KCNMA1: variants seen among roughly 807,000 people sequenced by gnomAD.
KCNMA1 encodes Calcium-activated potassium channel subunit alpha-1.
A neutral mutation model predicts 140.0 loss-of-function variants in KCNMA1; 29 were observed. That is an observed-to-expected ratio of 0.21 (90% CI 0.15 to 0.28). The LOEUF (loss-of-function observed/expected upper bound fraction) is 0.28. KCNMA1 is among the 10% of genes least tolerant of loss of function. The pLI is 1.00. For missense variants in KCNMA1, 880 were observed against 1,602.2 expected (o/e 0.55, Z 7.70); for synonymous variants, 612 against 611.9 (o/e 1.00, Z 0.00).
intron 24 of KCNMA1, chr10:76,911,273 G>C (rs1244627551): frequency 6.6e-6 from 1 of 152,138 alleles, no homozygotes; most frequent in Non-Finnish European, 1.5e-5. Context: ...GCTAGGCATG[G>C]AATTAGTATT....
intron 9 of KCNMA1, among the ~76,000 whole-genome samples, chr10:77,096,371 C>T (rs917201731): frequency 1.3e-5 from 2 of 152,152 alleles, no homozygotes; most frequent in Non-Finnish European, 2.9e-5. Context: ...CCTTAGTTCA[C>T]ACCTCCATCA....
At chr10:76,973,101 A>C (rs1422405388) in intron 19 of KCNMA1, 2 of 152,170 alleles carry the variant, frequency 1.3e-5, no homozygotes, top group African/African-American at 4.8e-5. Context: ...GACGATGCAA[A>C]TTTACAAGCT....
chr10:77,396,711 A>G (rs1377688670), intron 2 of KCNMA1, among the ~76,000 whole-genome samples: 1 of 152,236 alleles, frequency 6.6e-6, no homozygotes, highest in Non-Finnish European at 1.5e-5. Context: ...AGGGGGATAA[A>G]GAGAGAGGCT....
chr10:77,629,923 C>T lies in KCNMA1; in HGVS notation c.378+7342G>A, dbSNP rs950504982. Reference sequence around the variant, plus strand: ...ATGGTGCTCCCCTCTGATGATGAAACAACATAAAAAGCACATCTCATGGAA... The same window carrying T: ...ATGGTGCTCCCCTCTGATGATGAAATAACATAAAAAGCACATCTCATGGAA... On this transcript the variant is annotated intron_variant, in intron 1 of 27. Coordinates refer to ENST00000286628, the MANE Select transcript of KCNMA1 (RefSeq NM_001161352.2). 3.9e-5 allele frequency among the ~76,000 whole-genome samples: 6 copies of T among 152,308 alleles called. No individual in the cohort carries two copies. The East Asian group carries it at 1.2e-3, about 29-fold the overall frequency.
intron 9 of KCNMA1, among the ~76,000 whole-genome samples, chr10:77,102,453 A>G (rs918481296): frequency 2.6e-5 from 4 of 152,248 alleles, no homozygotes; most frequent in Non-Finnish European, 4.4e-5. Flanking sequence ...AAAGACACAG[A>G]GTTTAAAAAT....
chr10:77,319,971 C>T (rs1450703178), intron 2 of KCNMA1, among the ~76,000 whole-genome samples: 1 of 152,078 alleles, frequency 6.6e-6, no homozygotes, highest in Admixed American at 6.5e-5. Context: ...ACTGATACTG[C>T]CCTCTTCGAA....
chr10:76,877,971 T>C, intron 29 of KCNMA1: 1 of 1,444,716 alleles, frequency 6.9e-7, no homozygotes, highest in Non-Finnish European at 9.6e-7. Flanking sequence ...CTTTGGAAAG[T>C]TCATTGAAAA....
intron 14 of KCNMA1, among the ~76,000 whole-genome samples, chr10:77,065,107 T>C (rs1195598250): frequency 6.6e-6 from 1 of 152,178 alleles, no homozygotes; most frequent in Admixed American, 6.5e-5. Context: ...GGCCAACCGA[T>C]GCATTCATTT....
chr10:77,395,681 C>T (rs566837345), intron 2 of KCNMA1, among the ~76,000 whole-genome samples: 6 of 152,266 alleles, frequency 3.9e-5, no homozygotes, highest in East Asian at 3.9e-4. Flanking sequence ...CATTTTTATC[C>T]GGGAACAATT....
chr10:77,472,426 G>A (rs2098184899), intron 1 of KCNMA1, among the ~76,000 whole-genome samples: 1 of 143,446 alleles, frequency 7.0e-6, no homozygotes, highest in African/African-American at 2.6e-5. Context: ...AGCACACCTA[G>A]GCACACTATG....
intron 4 of KCNMA1, 98 bp from the exon 5 acceptor site, chr10:77,183,630 C>T (rs984930472): frequency 4.9e-5 from 40 of 820,454 alleles, no homozygotes; most frequent in Non-Finnish European, 5.7e-5. Flanking sequence ...TTTGAGTTTT[C>T]ATAGGGCCAC....
At chr10:76,874,061 C>CA (rs35698004), downstream of KCNMA1, 182 of 141,316 alleles carry the variant, frequency 1.3e-3, 3 homozygotes, top group East Asian at 7.5e-3. Flanking sequence ...GGCCTTGAAC[C>CA]AAAAAAAAAA....
chr10:77,504,543 C>T (rs890966635), intron 1 of KCNMA1, among the ~76,000 whole-genome samples: 4 of 152,140 alleles, frequency 2.6e-5, no homozygotes, highest in South Asian at 2.1e-4. Flanking sequence ...AGCAAGCCTT[C>T]CACAAGCAGA....
intron 1 of KCNMA1, among the ~76,000 whole-genome samples, chr10:77,520,366 C>T (rs938064155): frequency 6.6e-6 from 1 of 151,832 alleles, no homozygotes; most frequent in African/African-American, 2.4e-5. Flanking sequence ...CTGGGGCTGG[C>T]TCCAGTTGGT....
chr10:77,048,574 C>A (rs184093986), intron 14 of KCNMA1, among the ~76,000 whole-genome samples: 4 of 152,292 alleles, frequency 2.6e-5, no homozygotes, highest in Non-Finnish European at 2.9e-5. Flanking sequence ...TCTCCACTGC[C>A]TGGAACTGTG....
chr10:77,487,154 A>G (rs1237936703), intron 1 of KCNMA1, among the ~76,000 whole-genome samples: 1 of 152,316 alleles, frequency 6.6e-6, no homozygotes, highest in East Asian at 1.9e-4. Flanking sequence ...CTCAACACAT[A>G]TAGTAGAATC....
chr10:77,119,403 C>T (rs2097548120), intron 6 of KCNMA1, among the ~76,000 whole-genome samples: 2 of 152,140 alleles, frequency 1.3e-5, no homozygotes, highest in African/African-American at 4.8e-5. Context: ...ACAGACACTA[C>T]CCAATGTTAG....
At chr10:76,942,423 A>G (rs1235730909) in intron 23 of KCNMA1, among the ~76,000 whole-genome samples, 2 of 152,208 alleles carry the variant, frequency 1.3e-5, no homozygotes, top group African/African-American at 4.8e-5. Flanking sequence ...CATTCAGACC[A>G]TAACTGTGTG....
At chr10:77,547,160 G>A (rs967748912) in intron 1 of KCNMA1, among the ~76,000 whole-genome samples, 1 of 152,152 alleles carries the variant, frequency 6.6e-6, no homozygotes, top group African/African-American at 2.4e-5. Flanking sequence ...TGTTTACTAG[G>A]AGTGTTCAAA....
Sources: allele counts gnomAD v4.1 joint callset (sites outside exome capture counted in the v4.1 genomes callset), GRCh38; gene constraint gnomAD v4.1.1; transcripts MANE v1.5; gene names NCBI Gene and HGNC (gene_info 2026-07-23, HGNC 2026-07-21).